Variants in APPL2 observed in about 807,000 individuals in gnomAD.
The protein encoded by APPL2 is adaptor protein, phosphotyrosine interacting with PH domain and leucine zipper 2.
APPL2 carries 84 observed loss-of-function variants against 92.7 expected under a neutral mutation model. The observed-to-expected ratio is 0.91, with a 90% CI of 0.76 to 1.09. The LOEUF (loss-of-function observed/expected upper bound fraction) is 1.09, where lower values mean the gene tolerates loss of function less well. Ranked by LOEUF, APPL2 falls within the 50% of genes least tolerant of loss-of-function variation. The pLI is 0.00. For synonymous variants in APPL2, 291 were observed against 291.0 expected, an observed-to-expected ratio of 1.00 and a Z score of 0.00; for missense variants, 736 against 824.5, an observed-to-expected ratio of 0.89 and a Z score of 1.31.
intron 4 of APPL2, 118 bp downstream of exon 4, chr12:105,216,951 G>A: frequency 1.5e-6 from 1 of 675,798 alleles, no homozygotes; most frequent in South Asian, 2.0e-5. Flanking sequence ...AGATCAAGAA[G>A]TTGAGATACC....
At position 105,229,235 on chromosome 12, in the gene APPL2, G is replaced by T; in HGVS notation, c.55-12C>A. The T allele has an allele frequency of 6.2e-7, 1 of 1,606,504 alleles. No individual in the cohort carries two copies. Among genetic ancestry groups the T allele is most frequent in the Non-Finnish European group, 8.5e-7 (1 of 1,176,444 alleles). On this transcript the variant is annotated splice_polypyrimidine_tract_variant and intron_variant, in intron 1 of 20. Transcript: ENST00000258530. ...AGTAAAGAGCGAGTCTGGAAGAAAA[G>T]AAGAAAAAAGGTCAATTTCATTTCT... is the stretch of plus-strand genomic sequence containing the variant.
At chr12:105,176,669 C>T (rs1885572565) in intron 19 of APPL2, 2 of 580,560 alleles carry the variant, frequency 3.4e-6, no homozygotes, top group African/African-American at 1.9e-5. Flanking sequence ...CCTCATTCAC[C>T]CTATTCTGGT....
intron 5 of APPL2, among the ~76,000 whole-genome samples, chr12:105,208,907 A>C (rs1430997971): frequency 1.3e-5 from 2 of 152,220 alleles, no homozygotes; most frequent in Non-Finnish European, 2.9e-5. Context: ...ACAACAATCC[A>C]TTTTCATTTT....
chr12:105,183,557 T>C (rs1045557524), intron 17 of APPL2, among the ~76,000 whole-genome samples: 29 of 152,248 alleles, frequency 1.9e-4, no homozygotes, highest in African/African-American at 7.0e-4. Flanking sequence ...TTGAAAATTC[T>C]TTTCCTTAAG....
intron 8 of APPL2, among the ~76,000 whole-genome samples, chr12:105,204,953 G>T (rs1888574003): frequency 6.6e-6 from 1 of 152,232 alleles, no homozygotes; most frequent in Non-Finnish European, 1.5e-5. Context: ...CAGAGCCTCA[G>T]TTTGCAGGCA....
intron 2 of APPL2, among the ~76,000 whole-genome samples, chr12:105,226,434 A>G (rs1218348083): frequency 1.3e-5 from 2 of 152,238 alleles, no homozygotes; most frequent in African/African-American, 2.4e-5. Context: ...TATGCTGCGC[A>G]TTAAAAGCTG....
intron 9 of APPL2, among the ~76,000 whole-genome samples, chr12:105,202,455 T>G (rs1888294784): frequency 6.6e-6 from 1 of 152,106 alleles, no homozygotes; most frequent in African/African-American, 2.4e-5. Flanking sequence ...CAGAAAATAA[T>G]CAGGTGTGTG....
chr12:105,197,958 G>C lies in APPL2; in HGVS notation c.864-5C>G. 1 of 1,612,404 alleles carries C rather than the reference G, an allele frequency of 6.2e-7. No individual in the cohort carries two copies. The highest frequency in any genetic ancestry group is 1.1e-5 in the South Asian group (1 of 90,970). Reference sequence around the variant, plus strand: ...GTGGTGACCAGCCCTGTTTTGCTGTGAGTTGTGTTTTAAAAAGCCCATTAG... The same window carrying C: ...GTGGTGACCAGCCCTGTTTTGCTGTCAGTTGTGTTTTAAAAAGCCCATTAG... On this transcript the variant is annotated splice_polypyrimidine_tract_variant and splice_region_variant and intron_variant, in intron 10 of 20. Coordinates refer to ENST00000258530, the MANE Select transcript of APPL2 (RefSeq NM_018171.5).
chr12:105,208,156 ACCATTGCTAGCGAGT>A lies in APPL2; in HGVS notation c.402_415+1del. ...CACACCAGGAATGGAGAAGGTGCCT[ACCATTGCTAGCGAGT>A]CCAAATAGATCCTTTAAAGTGCTTA... On this transcript the variant is annotated splice_donor_variant and coding_sequence_variant, in exon 6 of 21. Coordinates refer to ENST00000258530, the MANE Select transcript of APPL2 (RefSeq NM_018171.5). LOFTEE classifies it high-confidence loss of function. 1 of 1,614,224 alleles carries A rather than the reference ACCATTGCTAGCGAGT, an allele frequency of 6.2e-7. No individual in the cohort carries two copies. The highest frequency in any genetic ancestry group is 8.5e-7 in the Non-Finnish European group (1 of 1,180,018).
intron 1 of APPL2, among the ~76,000 whole-genome samples, chr12:105,230,590 C>T (rs1890850753): frequency 2.0e-5 from 3 of 152,204 alleles, no homozygotes. Flanking sequence ...ATTGCAATTC[C>T]TCCTTTTCTT....
rs1886867069 is a variant in APPL2, at chr12:105,187,885, C to CT, written c.1634+387dup. Among the ~76,000 whole-genome samples, 4 of 151,948 alleles carry CT rather than the reference C, an allele frequency of 2.6e-5. No individual in the cohort carries two copies. The South Asian group carries it at 8.3e-4, about 32-fold the overall frequency. ...CACTAAATCATGTAGTTAATATGGC[C>CT]TGCTCTCTCTGTGATGGCCAAGTTA... On this transcript the variant is annotated intron_variant, in intron 17 of 20. Transcript: ENST00000258530.
In APPL2 at chr12:105,175,460, C is replaced by T. The variant is rs142156599; in HGVS notation, c.1860+575G>A. On this transcript the variant is annotated intron_variant, in intron 20 of 20. Transcript: ENST00000258530. The stretch of plus-strand genomic sequence containing the variant: ...GTTCCTCAGTCACACTTGCCATATT[C>T]AATCTGCATATTAAATTGTGCAGAT... 8.3e-4 allele frequency among the ~76,000 whole-genome samples: 127 copies of T among 152,330 alleles called. 2 individuals carry two copies. The highest frequency in any genetic ancestry group is 3.0e-3 in the African/African-American group (123 of 41,568).
chr12:105,186,699 C>CATATCATATATCATATATCATATCATAT (rs1555248130), intron 17 of APPL2, among the ~76,000 whole-genome samples: 1 of 134,570 alleles, frequency 7.4e-6, no homozygotes, highest in Non-Finnish European at 1.5e-5. Flanking sequence ...TATCATATAT[C>CATATCATATATCATATATCATATCATAT]ATATCATATA....
intron 17 of APPL2, among the ~76,000 whole-genome samples, chr12:105,183,444 CAGG>C (rs1263569241): frequency 6.6e-6 from 1 of 152,144 alleles, no homozygotes; most frequent in Non-Finnish European, 1.5e-5. Context: ...TCTTGTAAAG[CAGG>C]TGTGGTGGTG....
intron 2 of APPL2, 97 bp downstream of exon 2, chr12:105,229,028 G>A: frequency 9.5e-7 from 1 of 1,054,126 alleles, no homozygotes; most frequent in Non-Finnish European, 1.4e-6. Context: ...CTTAAATGAT[G>A]TTTTTCGGAT....
chr12:105,221,224 C>T (rs1459806793), intron 2 of APPL2, among the ~76,000 whole-genome samples: 3 of 152,150 alleles, frequency 2.0e-5, no homozygotes, highest in Admixed American at 6.5e-5. Flanking sequence ...AACTGGAGCC[C>T]GAGTGAGGAG....
chr12:105,232,925 G>T (rs78061429), intron 1 of APPL2, among the ~76,000 whole-genome samples: 1 of 152,192 alleles, frequency 6.6e-6, no homozygotes, highest in Non-Finnish European at 1.5e-5. Flanking sequence ...GCCTGATTTG[G>T]TTGGAGAGGG....
At chr12:105,207,614 A>G (rs898113195) in intron 7 of APPL2, among the ~76,000 whole-genome samples, 1 of 152,230 alleles carries the variant, frequency 6.6e-6, no homozygotes, top group Admixed American at 6.5e-5. Context: ...AATATTATCT[A>G]GAGTAGCGAA....
At position 105,174,323 on chromosome 12, in the gene APPL2, G is replaced by A. The variant is rs35804663; in HGVS notation, c.1986C>T (p.Ser662=). The A allele has an allele frequency of 2.1e-4, 342 of 1,613,688 alleles. No individual in the cohort carries two copies. The highest frequency in any genetic ancestry group is 5.0e-4 in the Middle Eastern group (3 of 6,058). The part of the protein sequence containing the change: ...GNPNEHRGAE[S]EA ...CACAGGCGCAAGTGAGTTATGCTTC[G>A]GATTCTGCGCCTCTATGTTCGTTTG... The change falls in exon 21 of 21, where the codon TCC becomes TCT. Residue 662 remains serine (S), a synonymous_variant. Coordinates refer to ENST00000258530, the MANE Select transcript of APPL2 (RefSeq NM_018171.5).
Sources: allele counts gnomAD v4.1 joint callset (sites outside exome capture counted in the v4.1 genomes callset), GRCh38; gene constraint gnomAD v4.1.1; transcripts MANE v1.5; gene names NCBI Gene and HGNC (gene_info 2026-07-23, HGNC 2026-07-21).